Variants in MEI4 observed in about 807,000 individuals in gnomAD.
MEI4 encodes meiosis-specific protein MEI4.
In MEI4, 27 loss-of-function variants were observed where a neutral mutation model predicts 31.4. The ratio of observed to expected loss-of-function variants is 0.86; its 90% CI spans 0.63 to 1.19. MEI4 has a LOEUF of 1.19. Ranked by LOEUF, MEI4 falls within the 50% of genes most tolerant of loss-of-function variation. The pLI is 0.00. For synonymous variants in MEI4, 122 were observed against 145.4 expected (o/e 0.84, Z 1.16); for missense variants, 329 against 398.9 (o/e 0.82, Z 1.49).
At chr6:77,913,549 T>C (rs905244682) in intron 4 of MEI4, among the ~76,000 whole-genome samples, 11 of 152,118 alleles carry the variant, frequency 7.2e-5, no homozygotes, top group Admixed American at 2.6e-4. Context: ...ATTTATCTCC[T>C]CGAGATTATC....
chr6:77,842,217 C>T (rs977174567), intron 4 of MEI4, among the ~76,000 whole-genome samples: 9 of 152,052 alleles, frequency 5.9e-5, no homozygotes, highest in African/African-American at 2.2e-4. Context: ...GTGATGTTCT[C>T]CAACCATAAT....
chr6:77,791,882 C>T (rs1768946584), intron 3 of MEI4, among the ~76,000 whole-genome samples: 1 of 152,070 alleles, frequency 6.6e-6, no homozygotes, highest in Non-Finnish European at 1.5e-5. Context: ...ACTTACTTCT[C>T]CTATCTAACT....
chr6:77,711,970 G>A (rs1427042193), intron 2 of MEI4, among the ~76,000 whole-genome samples: 2 of 152,110 alleles, frequency 1.3e-5, no homozygotes, highest in Non-Finnish European at 2.9e-5. Context: ...ATACTCAGAA[G>A]CCCATGATTA....
At chr6:77,873,523 C>T (rs998932808) in intron 4 of MEI4, among the ~76,000 whole-genome samples, 20 of 152,030 alleles carry the variant, frequency 1.3e-4, no homozygotes, top group Non-Finnish European at 2.8e-4. Context: ...CAGGTGAGTA[C>T]GTTGCGAAAA....
intron 4 of MEI4, among the ~76,000 whole-genome samples, chr6:77,855,268 C>G (rs745459374): frequency 1.5e-4 from 23 of 152,014 alleles, no homozygotes; most frequent in African/African-American, 4.6e-4. Flanking sequence ...TTGCTTCAAC[C>G]TGGGAGGCAG....
chr6:77,810,496 AG>A (rs1346035749), intron 3 of MEI4, among the ~76,000 whole-genome samples: 1 of 151,864 alleles, frequency 6.6e-6, no homozygotes, highest in Admixed American at 6.6e-5. Flanking sequence ...GGGGTGAAGA[AG>A]GCATCTGCCC....
intron 3 of MEI4, among the ~76,000 whole-genome samples, chr6:77,802,525 G>T (rs1301029304): frequency 1.3e-5 from 2 of 152,146 alleles, no homozygotes; most frequent in Non-Finnish European, 2.9e-5. Context: ...GATGCTAGCT[G>T]GTTATTTTGC....
chr6:77,866,767 A>C (rs372326428), intron 4 of MEI4, among the ~76,000 whole-genome samples: 1 of 152,222 alleles, frequency 6.6e-6, no homozygotes, highest in African/African-American at 2.4e-5. Flanking sequence ...TTGCCAAGTC[A>C]ATTCTAAGTC....
intron 1 of MEI4, among the ~76,000 whole-genome samples, chr6:77,663,346 G>A (rs1471359336): frequency 1.3e-5 from 2 of 152,038 alleles, no homozygotes; most frequent in African/African-American, 4.8e-5. Context: ...GAGATGGTAA[G>A]GGGTGCATGA....
At chr6:77,688,038 A>T (rs1222120964) in intron 1 of MEI4, among the ~76,000 whole-genome samples, 2 of 152,082 alleles carry the variant, frequency 1.3e-5, no homozygotes, top group Admixed American at 6.6e-5. Flanking sequence ...GCCACAAGCT[A>T]CCTCAGGAAA....
At chr6:77,906,711 T>G (rs982171753) in intron 4 of MEI4, among the ~76,000 whole-genome samples, 5 of 152,130 alleles carry the variant, frequency 3.3e-5, no homozygotes, top group African/African-American at 1.2e-4. Context: ...AGGGAGGGAA[T>G]ACTGACTCTG....
At chr6:77,802,796 G>A (rs1240598497) in intron 3 of MEI4, among the ~76,000 whole-genome samples, 3 of 152,134 alleles carry the variant, frequency 2.0e-5, no homozygotes, top group East Asian at 3.8e-4. Context: ...GTTGAATATT[G>A]GCTCACACTG....
intron 4 of MEI4, among the ~76,000 whole-genome samples, chr6:77,851,168 A>G (rs931408768): frequency 2.6e-5 from 4 of 152,176 alleles, no homozygotes; most frequent in Non-Finnish European, 5.9e-5. Flanking sequence ...GAGAAATAGG[A>G]ACACTTTTAC....
intron 4 of MEI4, among the ~76,000 whole-genome samples, chr6:77,914,650 C>G (rs1056572269): frequency 6.6e-6 from 1 of 152,002 alleles, no homozygotes; most frequent in Non-Finnish European, 1.5e-5. Flanking sequence ...TCTAGATAAT[C>G]CGTCTAATGC....
At chr6:77,662,529 G>C (rs202115308) in intron 1 of MEI4, among the ~76,000 whole-genome samples, 1 of 152,108 alleles carries the variant, frequency 6.6e-6, no homozygotes, top group South Asian at 2.1e-4. Context: ...GTATGTGTCC[G>C]GTGTGAGGAA....
At chr6:77,670,264 C>CT (rs1325737008) in intron 1 of MEI4, among the ~76,000 whole-genome samples, 2 of 151,678 alleles carry the variant, frequency 1.3e-5, no homozygotes, top group Non-Finnish European at 2.9e-5. Context: ...TAAGTCTTCT[C>CT]TTTTTTCAGC....
chr6:77,764,522 A>G (rs2127683855), intron 3 of MEI4, among the ~76,000 whole-genome samples: 1 of 152,220 alleles, frequency 6.6e-6, no homozygotes, highest in Non-Finnish European at 1.5e-5. Flanking sequence ...GGACTTTAAT[A>G]CCTCAATTAC....
chr6:77,763,957 G>A (rs570738957), intron 3 of MEI4, among the ~76,000 whole-genome samples: 57 of 152,222 alleles, frequency 3.7e-4, no homozygotes, highest in Admixed American at 5.9e-4. Flanking sequence ...GGGACTACAG[G>A]TGCATGCCAC....
chr6:77,705,443 CAT>C (rs1319481322), intron 2 of MEI4, among the ~76,000 whole-genome samples: 10 of 152,210 alleles, frequency 6.6e-5, no homozygotes, highest in African/African-American at 1.9e-4. Flanking sequence ...TAATATCACA[CAT>C]GTGGAACTAT....
Sources: gnomAD v4.1 joint callset for allele counts (sites outside exome capture counted in the v4.1 genomes callset) on GRCh38, gnomAD v4.1.1 for gene constraint, MANE v1.5 for transcripts, NCBI Gene and HGNC (gene_info 2026-07-23, HGNC 2026-07-21) for gene names.